The following SLC26A4 variants were observed in gnomAD, a reference collection of about 807,000 sequenced individuals.
SLC26A4 encodes the protein solute carrier family 26 member 4.
A neutral mutation model predicts 90.4 loss-of-function variants in SLC26A4; 93 were observed. That is an observed-to-expected ratio of 1.03 (90% CI 0.87 to 1.22). SLC26A4 has a LOEUF of 1.22. Ranked by LOEUF, SLC26A4 falls within the 50% of genes most tolerant of loss-of-function variation. SLC26A4 has a pLI of 0.00. For missense variants in SLC26A4, 1,127 were observed against 946.2 expected (o/e 1.19, Z -2.51); for synonymous variants, 393 against 354.6 (o/e 1.11, Z -1.22).
At position 107,674,997 on chromosome 7, in the gene SLC26A4, C is replaced by CTT; in HGVS notation, c.655_656dup (p.Leu219PhefsTer19). The CTT allele has an allele frequency of 5.0e-6, 8 of 1,613,948 alleles. No homozygotes were observed. The highest frequency in any genetic ancestry group is 6.8e-6 in the Non-Finnish European group (8 of 1,179,948). On this transcript the variant is annotated frameshift_variant, in exon 6 of 21. Coordinates refer to ENST00000644269, the MANE Select transcript of SLC26A4 (RefSeq NM_000441.2). LOFTEE classifies it high-confidence loss of function. ...TTCATAGTGAGGTACTTGGCAGATC[C>CTT]TTTGGTTGGTGGCTTCACAACAGCT... is the stretch of plus-strand genomic sequence containing the variant.
intron 6 of SLC26A4, among the ~76,000 whole-genome samples, chr7:107,675,532 C>T (rs1791001626): frequency 3.9e-5 from 1 of 25,514 alleles, no homozygotes; most frequent in South Asian, 1.8e-3. Flanking sequence ...CAAAACAAAA[C>T]AAAACTTGAG....
chr7:107,683,578 G>A, intron 8 of SLC26A4, 41 bp downstream of exon 8: 1 of 1,469,346 alleles, frequency 6.8e-7, no homozygotes, highest in Non-Finnish European at 9.5e-7. Context: ...CATTAAGTCA[G>A]TAAGTCAGTC....
In SLC26A4 at chr7:107,683,500, A is replaced by G. The variant is rs143002265; in HGVS notation, c.964A>G (p.Asn322Asp). ...TTCATATGGAGCCAACCTGGAAAAA[A>G]ATTACAATGCTGGCATTGTTAAATC... ...AISYGANLEK[N>D]YNAGIVKSIP... The change falls in exon 8 of 21, where the codon AAT becomes GAT. Residue 322 changes from asparagine (N) to aspartate (D), a missense_variant. Physicochemically the swap from Asn to Asp is conservative, Grantham distance 23. Transcript: ENST00000644269. The G allele has an allele frequency of 2.3e-4, 371 of 1,613,920 alleles. 1 individual carries two copies. The African/African-American group carries it at 4.3e-3, about 19-fold the overall frequency.
chr7:107,701,243 G>A, intron 16 of SLC26A4, 47 bp downstream of exon 16: 1 of 1,189,310 alleles, frequency 8.4e-7, no homozygotes, highest in South Asian at 1.2e-5. Flanking sequence ...TCCTTTCCCT[G>A]ATGAGAGCAG....
chr7:107,687,191 T>C (rs1402007224), intron 8 of SLC26A4, among the ~76,000 whole-genome samples: 2 of 152,332 alleles, frequency 1.3e-5, no homozygotes, highest in East Asian at 3.9e-4. Flanking sequence ...CTTCATAGTG[T>C]TGTCTTATGA....
chr7:107,706,409 G>A (rs1298000642), intron 18 of SLC26A4, among the ~76,000 whole-genome samples: 1 of 152,200 alleles, frequency 6.6e-6, no homozygotes, highest in Non-Finnish European at 1.5e-5. Flanking sequence ...GATTGTGCCT[G>A]TGAATAGCCA....
chr7:107,706,747 A>G (rs955068375), intron 18 of SLC26A4, among the ~76,000 whole-genome samples: 15 of 151,798 alleles, frequency 9.9e-5, no homozygotes, highest in African/African-American at 3.7e-4. Flanking sequence ...TTAAAAGAAC[A>G]GATTCTATTG....
chr7:107,690,297 G>GGAA lies in SLC26A4; in HGVS notation c.1263+62_1263+64dup. The GGAA allele has an allele frequency of 2.9e-6, 3 of 1,021,432 alleles. No homozygotes were observed. In the South Asian group the frequency reaches 3.8e-5, roughly 13 times the overall value. The allele number at this position is 1,021,432 out of a possible 1,614,324, so 63.3% of individuals were successfully genotyped here. ...GAACAAGTCGAGGAATGGCAACAGA[G>GGAA]GAAGGCTCGCACCGAGCTTAGCAGG... On this transcript the variant is annotated intron_variant, in intron 10 of 20. Transcript: ENST00000644269.
At chr7:107,690,087 A>C (rs750460691) in intron 9 of SLC26A4, 37 bp from the exon 10 acceptor site, 1 of 1,207,440 alleles carries the variant, frequency 8.3e-7, no homozygotes, top group Non-Finnish European at 1.2e-6. Flanking sequence ...GCAAAGATTC[A>C]ATTTGTAGGA....
At chr7:107,677,815 C>T (rs777365048) in intron 6 of SLC26A4, among the ~76,000 whole-genome samples, 1 of 152,038 alleles carries the variant, frequency 6.6e-6, no homozygotes, top group Non-Finnish European at 1.5e-5. Flanking sequence ...CAATGTCTTG[C>T]TATGTTGCCC....
Position 107,686,303 on chromosome 7 carries a change from C to A in SLC26A4, c.1002-2750C>A, listed in dbSNP as rs761475300. 7.8e-3 allele frequency among the ~76,000 whole-genome samples: 277 copies of A among 35,614 alleles called. 2 individuals carry two copies. The highest frequency in any genetic ancestry group is 0.018 in the Middle Eastern group (2 of 114). 23.4% of individuals were successfully genotyped at this position (35,614 alleles called of 152,430 possible). The stretch of plus-strand genomic sequence containing the variant: ...CTTCCCTCCCTTTCCTACCTTCCCT[C>A]CCTTCCCTCCCTTCCCTCCCTTTCC... On this transcript the variant is annotated intron_variant, in intron 8 of 20. Coordinates refer to ENST00000644269, the MANE Select transcript of SLC26A4 (RefSeq NM_000441.2).
chr7:107,683,904 G>A (rs1278361117), intron 8 of SLC26A4, among the ~76,000 whole-genome samples: 2 of 152,136 alleles, frequency 1.3e-5, no homozygotes, highest in Admixed American at 6.6e-5. Flanking sequence ...AATCAGGGAC[G>A]TCTGGCCTAA....
In SLC26A4 at chr7:107,683,281, G is replaced by C; in HGVS notation, c.845G>C (p.Cys282Ser). The change falls in exon 7 of 21, where the codon TGT becomes TCT. Residue 282 changes from cysteine (C) to serine (S), a missense_variant. Physicochemically the swap from Cys to Ser is moderately radical, Grantham distance 112. Transcript: ENST00000644269. The stretch of plus-strand genomic sequence containing the variant: ...GCTGGATTGCTCACCATTGTCGTCT[G>C]TATGGCAGTTAAGGAATTAAATGAT... ...FTAGLLTIVV[C>S]MAVKELNDRF... 1 of 1,613,478 alleles carries C rather than the reference G, an allele frequency of 6.2e-7. No homozygotes were observed. The highest frequency in any genetic ancestry group is 8.5e-7 in the Non-Finnish European group (1 of 1,179,672).
chr7:107,682,105 A>T (rs983245753), intron 6 of SLC26A4, among the ~76,000 whole-genome samples: 83 of 97,746 alleles, frequency 8.5e-4, no homozygotes, highest in African/African-American at 4.4e-3. Flanking sequence ...CAAGAGAGCT[A>T]AAAAAAAAAA....
intron 10 of SLC26A4, chr7:107,693,362 A>G (rs1044444399): frequency 1.0e-6 from 1 of 985,224 alleles, no homozygotes; most frequent in African/African-American, 1.7e-5. Flanking sequence ...ACTATAATCT[A>G]AATATAAATG....
chr7:107,687,788 T>A (rs1473144074), intron 8 of SLC26A4, among the ~76,000 whole-genome samples: 1 of 152,116 alleles, frequency 6.6e-6, no homozygotes, highest in Non-Finnish European at 1.5e-5. Context: ...GTTGACTGGG[T>A]CTCAGGAGCA....
At chr7:107,715,388 T>A in intron 20 of SLC26A4, 35 bp from the exon 21 acceptor site, 2 of 1,590,640 alleles carry the variant, frequency 1.3e-6, no homozygotes, top group Non-Finnish European at 1.7e-6. Context: ...AGAATTCAGT[T>A]GTATCAACAC....
chr7:107,714,087 T>A (rs943679246), intron 20 of SLC26A4, among the ~76,000 whole-genome samples: 2 of 6,764 alleles, frequency 3.0e-4, no homozygotes, highest in African/African-American at 3.7e-3. Context: ...TCCAGATAAT[T>A]TTTTTTTTTT....
intron 10 of SLC26A4, among the ~76,000 whole-genome samples, chr7:107,690,473 T>TCATGTAGCTACACTTACCTGC (rs1791538017): frequency 6.6e-6 from 1 of 152,178 alleles, no homozygotes; most frequent in Non-Finnish European, 1.5e-5. Context: ...TGCTTACCTG[T>TCATGTAGCTACACTTACCTGC]CATGTAGCTA....
Sources: gnomAD v4.1 joint callset for allele counts (sites outside exome capture counted in the v4.1 genomes callset) on GRCh38, gnomAD v4.1.1 for gene constraint, MANE v1.5 for transcripts, NCBI Gene and HGNC (gene_info 2026-07-23, HGNC 2026-07-21) for gene names.